Variants in C2CD3 observed in about 807,000 individuals in gnomAD.
The protein encoded by C2CD3 is C2 domain containing 3 centriole elongation regulator.
C2CD3 carries 148 observed loss-of-function variants against 234.0 expected under a neutral mutation model. The observed-to-expected ratio is 0.63, with a 90% CI of 0.55 to 0.72. The LOEUF is 0.72. Among genes scored for constraint, C2CD3 ranks in the 30% least tolerant of loss-of-function variants. The probability of loss-of-function intolerance (pLI) is 0.00; values close to 1 mark genes in which losing one functional copy is unlikely to be tolerated. For missense variants in C2CD3, 2,577 were observed against 2,811.5 expected, an observed-to-expected ratio of 0.92 and a Z score of 1.89; for synonymous variants, 1,000 against 1,035.4, an observed-to-expected ratio of 0.97 and a Z score of 0.66.
Position 74,013,170 on chromosome 11 carries a change from A to G in C2CD3, c.*215T>C, listed in dbSNP as rs544075015. The stretch of plus-strand genomic sequence containing the variant: ...TAGCCTTTGCCTCACCACAGAAAAA[A>G]GGAGCTGAAATTCTGGCAAGTGGAC... On this transcript the variant is annotated 3_prime_UTR_variant, in exon 33 of 33. Transcript: ENST00000334126. 2.9e-6 allele frequency: 1 copy of G among 344,456 alleles called. No individual in the cohort carries two copies. 21.3% of individuals were successfully genotyped at this position (344,456 alleles called of 1,614,324 possible). A position where few individuals can be genotyped will look rare whatever the true frequency, so the allele number is the denominator to read the frequency against.
intron 32 of C2CD3, among the ~76,000 whole-genome samples, chr11:74,015,781 C>T (rs1002328947): frequency 6.6e-6 from 1 of 151,954 alleles, no homozygotes; most frequent in Non-Finnish European, 1.5e-5. Flanking sequence ...CATAAAAAGA[C>T]CTCTGTTGGG....
intron 2 of C2CD3, among the ~76,000 whole-genome samples, chr11:74,165,177 C>T (rs1043063672): frequency 1.3e-5 from 2 of 152,064 alleles, no homozygotes; most frequent in African/African-American, 4.8e-5. Context: ...AAATGTGATA[C>T]ATTTCCTCTT....
chr11:74,139,050 C>T, intron 4 of C2CD3, 83 bp from the exon 5 acceptor site: 3 of 1,254,996 alleles, frequency 2.4e-6, no homozygotes, highest in Non-Finnish European at 3.3e-6. Flanking sequence ...GAAAGTAGAC[C>T]AGTGGTTTTG....
At chr11:74,045,504 TAA>T (rs1338445564) in intron 28 of C2CD3, among the ~76,000 whole-genome samples, 1 of 152,218 alleles carries the variant, frequency 6.6e-6, no homozygotes, top group African/African-American at 2.4e-5. Flanking sequence ...GTAAAAATAT[TAA>T]GTCTGTTAAT....
At chr11:74,119,033 C>T (rs1957125159) in intron 8 of C2CD3, among the ~76,000 whole-genome samples, 1 of 151,872 alleles carries the variant, frequency 6.6e-6, no homozygotes, top group Admixed American at 6.6e-5. Context: ...CCTCAGCCTC[C>T]CAAGTAGCTG....
At chr11:74,015,436 T>A (rs1330501672) in intron 32 of C2CD3, among the ~76,000 whole-genome samples, 1 of 152,214 alleles carries the variant, frequency 6.6e-6, no homozygotes, top group African/African-American at 2.4e-5. Context: ...ACTCCCAAGA[T>A]CCAAGATGGC....
intron 32 of C2CD3, among the ~76,000 whole-genome samples, chr11:74,024,311 A>C (rs968068652): frequency 6.6e-6 from 1 of 152,244 alleles, no homozygotes; most frequent in African/African-American, 2.4e-5. Context: ...AGTAGAAAAA[A>C]AATCTTTCAA....
Position 74,078,634 on chromosome 11 carries a change from C to A in C2CD3, c.4084G>T (p.Gly1362Cys). ...GTGAAGGAAATCGAAAGCTCCAGAC[C>A]ACCCACGATCTTCTGCATGAGCTCC... ...GLELMQKIVGGLELSISFTHR... is the reference protein window; with the variant it reads ...GLELMQKIVGCLELSISFTHR... The change falls in exon 23 of 33, where the codon GGT (glycine) becomes TGT (cysteine). Residue 1362 changes from glycine (G) to cysteine (C), a missense_variant. Gly to Cys is a radical substitution (Grantham distance 159, BLOSUM62 -3). Transcript: ENST00000334126. The A allele has an allele frequency of 6.2e-7, 1 of 1,614,174 alleles. No homozygotes were observed. The highest frequency in any genetic ancestry group is 8.5e-7 in the Non-Finnish European group (1 of 1,180,014).
intron 3 of C2CD3, among the ~76,000 whole-genome samples, chr11:74,158,695 C>T: frequency 6.6e-6 from 1 of 150,922 alleles, no homozygotes; most frequent in African/African-American, 2.4e-5. Flanking sequence ...GCACTCCAAC[C>T]TGTACAACAA....
At chr11:74,144,700 G>A (rs1317077168) in intron 3 of C2CD3, among the ~76,000 whole-genome samples, 2 of 152,120 alleles carry the variant, frequency 1.3e-5, no homozygotes, top group Non-Finnish European at 2.9e-5. Context: ...GAGAACGTGT[G>A]GTGCTTGGTT....
intron 3 of C2CD3, among the ~76,000 whole-genome samples, chr11:74,159,844 G>A (rs560983496): frequency 6.6e-6 from 1 of 152,040 alleles, no homozygotes; most frequent in Non-Finnish European, 1.5e-5. Context: ...CTCACTCACT[G>A]ACTCACCCAG....
At chr11:74,130,786 T>G (rs955845138) in intron 7 of C2CD3, among the ~76,000 whole-genome samples, 2 of 152,152 alleles carry the variant, frequency 1.3e-5, no homozygotes, top group Admixed American at 6.5e-5. Flanking sequence ...TGAGTCCTAC[T>G]TTCTTTTTTT....
At chr11:74,102,271 G>C (rs1565295717) in intron 14 of C2CD3, among the ~76,000 whole-genome samples, 1 of 152,172 alleles carries the variant, frequency 6.6e-6, no homozygotes, top group African/African-American at 2.4e-5. Flanking sequence ...ATTCAGATTT[G>C]AACATGTTTG....
chr11:74,032,068 A>G (rs1952541346), intron 31 of C2CD3, among the ~76,000 whole-genome samples: 3 of 152,178 alleles, frequency 2.0e-5, no homozygotes, highest in Non-Finnish European at 4.4e-5. Flanking sequence ...TCCAATCTAC[A>G]TTTACCAATC....
intron 15 of C2CD3, 43 bp from the exon 16 acceptor site, chr11:74,098,298 A>G (rs772375529): frequency 3.1e-6 from 5 of 1,593,776 alleles, no homozygotes; most frequent in Admixed American, 3.4e-5. Flanking sequence ...ACAAGCATCA[A>G]TCATGTCATA....
Position 74,095,270 on chromosome 11 carries a change from A to G in C2CD3, c.3118T>C (p.Ser1040Pro). The change falls in exon 17 of 33, where the codon TCT (serine) becomes CCT (proline). Residue 1040 changes from serine to proline, a missense_variant. Ser to Pro is a moderately conservative substitution (Grantham distance 74). Coordinates refer to ENST00000334126, the MANE Select transcript of C2CD3 (RefSeq NM_001286577.2). ...GGTCCTTTCAGCACACTGGATTGAGAGTGTTGAACTGGAAAGTAGTACTGG... is the reference window on the plus strand; with the variant it reads ...GGTCCTTTCAGCACACTGGATTGAGGGTGTTGAACTGGAAAGTAGTACTGG... The part of the protein sequence containing the change: ...YVQYYFPVQH[S>P]QSSVLKGPEF... 8 of 1,613,594 alleles carry G rather than the reference A, an allele frequency of 5.0e-6. No individual in the cohort carries two copies. Among genetic ancestry groups the G allele is most frequent in the Non-Finnish European group, 6.8e-6 (8 of 1,179,656 alleles).
At chr11:74,107,736 C>T (rs1440884270) in intron 12 of C2CD3, 3 of 151,990 alleles carry the variant, frequency 2.0e-5, no homozygotes, top group African/African-American at 7.3e-5. Context: ...AAAGACAATG[C>T]AGATAGTCAT....
At chr11:74,122,502 A>G (rs766922632) in intron 8 of C2CD3, among the ~76,000 whole-genome samples, 11 of 152,246 alleles carry the variant, frequency 7.2e-5, no homozygotes, top group Non-Finnish European at 1.3e-4. Flanking sequence ...TGCTAAGCCA[A>G]TGAAAAGAGC....
intron 3 of C2CD3, among the ~76,000 whole-genome samples, chr11:74,151,075 A>G (rs1855620013): frequency 6.6e-6 from 1 of 151,798 alleles, no homozygotes; most frequent in Non-Finnish European, 1.5e-5. Context: ...ATAGACGCCC[A>G]CCATCACACC....
Sources: gnomAD v4.1 joint callset for allele counts (sites outside exome capture counted in the v4.1 genomes callset) on GRCh38, gnomAD v4.1.1 for gene constraint, MANE v1.5 for transcripts, NCBI Gene and HGNC (gene_info 2026-07-23, HGNC 2026-07-21) for gene names.